The following CUL9 variants were observed in gnomAD, a reference collection of about 807,000 sequenced individuals.
CUL9 encodes cullin 9.
A neutral mutation model predicts 272.6 loss-of-function variants in CUL9; 79 were observed. The ratio of observed to expected loss-of-function variants is 0.29; its 90% CI spans 0.24 to 0.35. The LOEUF is 0.35. CUL9 is among the 10% of genes least tolerant of loss of function. The probability of loss-of-function intolerance (pLI) is 1.00; values close to 1 mark genes in which losing one functional copy is unlikely to be tolerated. For synonymous variants in CUL9, 1,186 were observed against 1,286.5 expected (o/e 0.92, Z 1.67); for missense variants, 2,532 against 3,255.6 (o/e 0.78, Z 5.41).
chr6:43,205,276 T>C lies in CUL9; in HGVS notation c.4646T>C (p.Phe1549Ser). The C allele has an allele frequency of 1.2e-6, 2 of 1,613,730 alleles. No individual in the cohort carries two copies. The highest frequency in any genetic ancestry group is 1.7e-6 in the Non-Finnish European group (2 of 1,179,612). The change falls in exon 24 of 41, where the codon TTT (phenylalanine) becomes TCT (serine). Residue 1549 changes from phenylalanine (F) to serine (S), a missense_variant. This residue lies in a region of CUL9 where 2,218 missense variants were observed against 2,788.6 expected (regional missense o/e 0.80). Transcript: ENST00000252050. ...FLTAAHMSEQFARYIDQQIQG... is the reference protein window; with the variant it reads ...FLTAAHMSEQSARYIDQQIQG... ...CCCTGCCCCCAGATGAGTGAGCAGT[T>C]TGCCAGGTACATTGACCAACAGATC... is the stretch of plus-strand genomic sequence containing the variant.
rs1774436593 is a variant in CUL9, at chr6:43,200,593, C to G, written c.3475+67C>G. Reference sequence around the variant, plus strand: ...TCTGTTCTCCCCTTCCCTTCCTGCTCCTTAGACCTTTTCCTTTTTCCTCTC... The same window carrying G: ...TCTGTTCTCCCCTTCCCTTCCTGCTGCTTAGACCTTTTCCTTTTTCCTCTC... On this transcript the variant is annotated intron_variant, in intron 15 of 40. Coordinates refer to ENST00000252050, the MANE Select transcript of CUL9 (RefSeq NM_015089.4). This position sits in a 1 kb window ranked among gnomAD's most constrained non-coding sequence, Gnocchi z 4.0. 6.2e-7 allele frequency: 1 copy of G among 1,613,558 alleles called. No homozygotes were observed. The highest frequency in any genetic ancestry group is 1.7e-5 in the Admixed American group (1 of 59,960).
At position 43,203,673 on chromosome 6, in the gene CUL9, G is replaced by A. The variant is rs73436482; in HGVS notation, c.4025+81G>A. On this transcript the variant is annotated intron_variant, in intron 19 of 40. Coordinates refer to ENST00000252050, the MANE Select transcript of CUL9 (RefSeq NM_015089.4). The surrounding 1 kb of genome is among the most constrained non-coding windows in gnomAD (Gnocchi z 5.0). Reference sequence around the variant, plus strand: ...AGGAGGGATGCTCCTGTGGGAGTCCGGAAGGGAAAGCTGCAGCCAGGACAT... The same window carrying A: ...AGGAGGGATGCTCCTGTGGGAGTCCAGAAGGGAAAGCTGCAGCCAGGACAT... 0.053 allele frequency: 81,883 copies of A among 1,536,276 alleles called. 2,377 individuals carry two copies. The highest frequency in any genetic ancestry group is 0.11 in the African/African-American group (8,165 of 73,048).
intron 31 of CUL9, among the ~76,000 whole-genome samples, chr6:43,219,472 A>AT (rs1204679506): frequency 6.6e-6 from 1 of 152,028 alleles, no homozygotes; most frequent in Non-Finnish European, 1.5e-5. Context: ...TTCAGAGAAA[A>AT]TTTTCCCTGT....
At position 43,222,365 on chromosome 6, in the gene CUL9, G is replaced by T; in HGVS notation, c.6896G>T (p.Arg2299Met). ...QEKRFQDYNE[R>M]CTFHHQAREF... ...AAGCGGTTTCAGGACTATAATGAGA[G>T]GTGCACTTTCCATCACCAGGCGCGG... The change falls in exon 36 of 41, where the codon AGG becomes ATG. Residue 2299 changes from arginine to methionine, a missense_variant. Arg to Met is a moderately conservative substitution (Grantham distance 91). Around this residue, in one of 3 missense-constraint regions of CUL9, gnomAD observed 237 missense variants for 305.9 expected, o/e 0.77. Transcript: ENST00000252050. 6.2e-7 allele frequency: 1 copy of T among 1,614,050 alleles called. No individual in the cohort carries two copies. Among genetic ancestry groups the T allele is most frequent in the Non-Finnish European group, 8.5e-7 (1 of 1,180,000 alleles).
intron 26 of CUL9, among the ~76,000 whole-genome samples, chr6:43,211,078 C>G (rs988442723): frequency 6.6e-6 from 1 of 152,194 alleles, no homozygotes; most frequent in African/African-American, 2.4e-5. Context: ...AAAATCTTAA[C>G]TCCAGCTCTA....
At chr6:43,191,832 AC>A (rs1487173305) in intron 8 of CUL9, among the ~76,000 whole-genome samples, 1 of 150,940 alleles carries the variant, frequency 6.6e-6, no homozygotes, top group East Asian at 2.0e-4. Flanking sequence ...TGATCCACCT[AC>A]CTCAGTCTCC....
Position 43,199,919 on chromosome 6 carries a change from C to T in CUL9, c.3157-10C>T, listed in dbSNP as rs750897196. ...TTCCTGTAAATTAATCTATGTGGCT[C>T]TGGGCTCAGATTGTTCAGGAGCTGA... On this transcript the variant is annotated splice_polypyrimidine_tract_variant and intron_variant, in intron 13 of 40. Transcript: ENST00000252050. The surrounding 1 kb of genome is among the most constrained non-coding windows in gnomAD (Gnocchi z 4.4). 44 of 1,607,220 alleles carry T rather than the reference C, an allele frequency of 2.7e-5. No homozygotes were observed. Among genetic ancestry groups the T allele is most frequent in the Non-Finnish European group, 3.3e-5 (39 of 1,173,938 alleles).
In CUL9 at chr6:43,213,841, A is replaced by G. The variant is rs760410704; in HGVS notation, c.5617A>G (p.Ser1873Gly). 1 of 1,614,156 alleles carries G rather than the reference A, an allele frequency of 6.2e-7. No homozygotes were observed. The highest frequency in any genetic ancestry group is 1.1e-5 in the South Asian group (1 of 91,084). ...CCTGGAACAGAAGAGGAATCTCTTG[A>G]GCTGTCTTCTTGTTCGTATTCTCAA... Reference protein sequence around the residue: ...RTLEQKRNLLSCLLVRILKAH... With the variant: ...RTLEQKRNLLGCLLVRILKAH... The change falls in exon 29 of 41, where the codon AGC becomes GGC. Residue 1873 changes from serine to glycine, a missense_variant. By Grantham distance (56) the Ser-to-Gly change is moderately conservative. Around this residue, in one of 3 missense-constraint regions of CUL9, gnomAD observed 2,218 missense variants for 2,788.6 expected, o/e 0.80. Coordinates refer to ENST00000252050, the MANE Select transcript of CUL9 (RefSeq NM_015089.4). The surrounding 1 kb of genome is among the most constrained non-coding windows in gnomAD (Gnocchi z 5.7).
chr6:43,204,264 G>A, intron 20 of CUL9, 96 bp from the exon 21 acceptor site: 1 of 1,462,464 alleles, frequency 6.8e-7, no homozygotes, highest in Non-Finnish European at 9.4e-7. Context: ...TACCCCTCAA[G>A]CCTTTTTGTA....
Position 43,203,484 on chromosome 6 carries a change from TC to T in CUL9, c.3919del (p.Arg1307GlyfsTer23). ...LGPKPTFWPL[F>X]REQLCRRTCL... is the part of the protein sequence containing the mutation. ...CCTAAGCCCACATTCTGGCCACTGT[TC>T]CGGGAGCAGCTGTGTCGCCGAACAT... On this transcript the variant is annotated frameshift_variant, in exon 19 of 41. Transcript: ENST00000252050. LOFTEE classifies it high-confidence loss of function. The surrounding 1 kb of genome is among the most constrained non-coding windows in gnomAD (Gnocchi z 5.0). The T allele has an allele frequency of 1.9e-6, 3 of 1,614,170 alleles. No individual in the cohort carries two copies. Among genetic ancestry groups the T allele is most frequent in the Non-Finnish European group, 8.5e-7 (1 of 1,180,028 alleles).
In CUL9 at chr6:43,206,152, T is replaced by C. The variant is rs764981484; in HGVS notation, c.4939T>C (p.Phe1647Leu). The C allele has an allele frequency of 6.2e-7, 1 of 1,614,084 alleles. No homozygotes were observed. The highest frequency in any genetic ancestry group is 1.3e-5 in the African/African-American group (1 of 75,022). Reference protein sequence around the residue: ...LSTSEELQRQFHLFQLQRLDK... With the variant: ...LSTSEELQRQLHLFQLQRLDK... ...CACCTCTGAGGAGCTGCAGCGCCAG[T>C]TCCACCTCTTCCAGCTCCAGCGGCT... The change falls in exon 25 of 41, where the codon TTC becomes CTC. Residue 1647 changes from phenylalanine to leucine, a missense_variant. Physicochemically the swap from Phe to Leu is conservative, Grantham distance 22. Coordinates refer to ENST00000252050, the MANE Select transcript of CUL9 (RefSeq NM_015089.4). The surrounding 1 kb of genome is among the most constrained non-coding windows in gnomAD (Gnocchi z 4.8).
chr6:43,184,045 G>A lies in CUL9; in HGVS notation c.-9-257G>A, dbSNP rs565643811. On this transcript the variant is annotated intron_variant, in intron 1 of 40. Coordinates refer to ENST00000252050, the MANE Select transcript of CUL9 (RefSeq NM_015089.4). The surrounding 1 kb of genome is among the most constrained non-coding windows in gnomAD (Gnocchi z 4.8). ...GGATTACAGGCGTGAGCCACTGGGC[G>A]CAGCCAACTCTTCCATTTCTTAAAC... Among the ~76,000 whole-genome samples, 3 of 152,116 alleles carry A rather than the reference G, an allele frequency of 2.0e-5. No individual in the cohort carries two copies. The highest frequency in any genetic ancestry group is 2.1e-4 in the South Asian group (1 of 4,826).
In CUL9 at chr6:43,199,323, C is replaced by A; in HGVS notation, c.3108C>A (p.Val1036=). The change falls in exon 13 of 41, where the codon GTC becomes GTA. Residue 1036 remains valine (V), a synonymous_variant. Coordinates refer to ENST00000252050, the MANE Select transcript of CUL9 (RefSeq NM_015089.4). The surrounding 1 kb of genome is among the most constrained non-coding windows in gnomAD (Gnocchi z 4.4). ...PEAMVLPWHE[V]LEPCLNCLSG... ...CAATGGTCCTCCCCTGGCACGAGGT[C>A]TTGGAGCCCTGCCTCAACTGCCTGA... 6.2e-7 allele frequency: 1 copy of A among 1,613,680 alleles called. No individual in the cohort carries two copies. Among genetic ancestry groups the A allele is most frequent in the Admixed American group, 1.7e-5 (1 of 59,998 alleles).
intron 8 of CUL9, 53 bp downstream of exon 8, chr6:43,188,768 G>A: frequency 7.1e-7 from 1 of 1,416,816 alleles, no homozygotes; most frequent in East Asian, 2.3e-5. Context: ...GGCAAAGGAT[G>A]GTGGTAGCGG....
Position 43,223,688 on chromosome 6 carries a change from G to A in CUL9, c.7284+291G>A, listed in dbSNP as rs1035630310. 7 of 526,912 alleles carry A rather than the reference G, an allele frequency of 1.3e-5. No individual in the cohort carries two copies. The highest frequency in any genetic ancestry group is 2.4e-5 in the Non-Finnish European group (7 of 293,820). 32.6% of individuals were successfully genotyped at this position (526,912 alleles called of 1,614,324 possible). ...ATCACTTGGGGAACTTTTCCAGACT[G>A]TACTTCCCAGATAGGGATTTGAAAT... On this transcript the variant is annotated intron_variant, in intron 39 of 40. Transcript: ENST00000252050. This position sits in a 1 kb window ranked among gnomAD's most constrained non-coding sequence, Gnocchi z 4.1.
In CUL9 at chr6:43,200,853, G is replaced by A. The variant is rs766882796; in HGVS notation, c.3647+19G>A. 6.2e-7 allele frequency: 1 copy of A among 1,613,560 alleles called. No homozygotes were observed. The highest frequency in any genetic ancestry group is 8.5e-7 in the Non-Finnish European group (1 of 1,179,472). On this transcript the variant is annotated intron_variant, in intron 16 of 40. Coordinates refer to ENST00000252050, the MANE Select transcript of CUL9 (RefSeq NM_015089.4). The surrounding 1 kb of genome is among the most constrained non-coding windows in gnomAD (Gnocchi z 4.0). ...TTGTTAGGTGTGAACACACATATAT[G>A]AATGTTCTGCTGTGCCCCAGGATAC...
At chr6:43,204,266 CTT>C in intron 20 of CUL9, 92 bp from the exon 21 acceptor site, 1 of 1,483,900 alleles carries the variant, frequency 6.7e-7, no homozygotes, top group Admixed American at 1.8e-5. Context: ...CCCCTCAAGC[CTT>C]TTTGTACAAT....
chr6:43,198,225 C>T (rs1211016558), intron 11 of CUL9: 15 of 983,740 alleles, frequency 1.5e-5, no homozygotes, highest in South Asian at 9.4e-5. Flanking sequence ...TGGGTGACAG[C>T]GCTCTGTGTA....
intron 26 of CUL9, among the ~76,000 whole-genome samples, chr6:43,207,032 C>T (rs747316265): frequency 6.6e-6 from 1 of 152,058 alleles, no homozygotes; most frequent in African/African-American, 2.4e-5. Context: ...TTAGTAGTGA[C>T]GGGGTTTCAC....
Sources: gnomAD v4.1 joint callset for allele counts (sites outside exome capture counted in the v4.1 genomes callset) on GRCh38, gnomAD v4.1.1 for gene constraint, gnomAD v4.1.1 regional missense constraint, Gnocchi (gnomAD v3.1) non-coding constraint, MANE v1.5 for transcripts, NCBI Gene and HGNC (gene_info 2026-07-23, HGNC 2026-07-21) for gene names.